Variants in RIMS1 observed in about 807,000 individuals in gnomAD.
RIMS1 encodes regulating synaptic membrane exocytosis protein 1.
A neutral mutation model predicts 214.1 loss-of-function variants in RIMS1; 83 were observed. The ratio of observed to expected loss-of-function variants is 0.39; its 90% CI spans 0.32 to 0.47. The LOEUF is 0.47. Ranked by LOEUF, RIMS1 falls within the 20% of genes least tolerant of loss-of-function variation. The probability of loss-of-function intolerance (pLI) is 0.99; values close to 1 mark genes in which losing one functional copy is unlikely to be tolerated. For synonymous variants in RIMS1, 793 were observed against 786.8 expected, an observed-to-expected ratio of 1.01 and a Z score of -0.13; for missense variants, 2,050 against 2,161.8, an observed-to-expected ratio of 0.95 and a Z score of 1.03.
At chr6:72,224,305 A>G (rs1218471094) in intron 6 of RIMS1, among the ~76,000 whole-genome samples, 1 of 152,176 alleles carries the variant, frequency 6.6e-6, no homozygotes, top group Non-Finnish European at 1.5e-5. Context: ...TTCTGTATAT[A>G]TTGTTGCTTT....
intron 29 of RIMS1, among the ~76,000 whole-genome samples, chr6:72,389,066 G>A (rs1468374467): frequency 6.6e-6 from 1 of 152,152 alleles, no homozygotes; most frequent in East Asian, 1.9e-4. Context: ...GTAGAAGAAA[G>A]CAAAAGGTCT....
intron 1 of RIMS1, among the ~76,000 whole-genome samples, chr6:71,960,529 G>A (rs1554158786): frequency 6.6e-5 from 10 of 152,088 alleles, no homozygotes; most frequent in Non-Finnish European, 1.5e-4. Context: ...CCATGATGAT[G>A]TTTCACACAG....
chr6:71,942,064 A>G (rs1181232683), intron 1 of RIMS1, among the ~76,000 whole-genome samples: 1 of 152,166 alleles, frequency 6.6e-6, no homozygotes, highest in Non-Finnish European at 1.5e-5. Flanking sequence ...ATGCTTTAGA[A>G]TGTTGAGGAG....
intron 4 of RIMS1, among the ~76,000 whole-genome samples, chr6:72,113,109 G>A (rs927971026): frequency 2.6e-5 from 4 of 152,118 alleles, no homozygotes; most frequent in Admixed American, 2.6e-4. Context: ...CAGCCACAGG[G>A]CAGTGTGCAG....
At chr6:72,300,865 G>A (rs984471327) in intron 26 of RIMS1, among the ~76,000 whole-genome samples, 4 of 151,704 alleles carry the variant, frequency 2.6e-5, no homozygotes, top group Non-Finnish European at 4.4e-5. Flanking sequence ...GGGAATAGGT[G>A]TGCTAAAACA....
intron 1 of RIMS1, among the ~76,000 whole-genome samples, chr6:71,931,703 TTACTC>T (rs1157406809): frequency 6.6e-6 from 1 of 152,140 alleles, no homozygotes; most frequent in Non-Finnish European, 1.5e-5. Flanking sequence ...GTTTGTCTGT[TTACTC>T]TATTGATAGT....
At chr6:72,246,628 A>C (rs1240832586) in intron 11 of RIMS1, among the ~76,000 whole-genome samples, 3 of 152,178 alleles carry the variant, frequency 2.0e-5, no homozygotes, top group Non-Finnish European at 4.4e-5. Flanking sequence ...AGAAAATATG[A>C]AAGTAGGATA....
Position 72,159,364 on chromosome 6 carries a change from A to G in RIMS1, c.472-20211A>G, listed in dbSNP as rs1244091080. Among the ~76,000 whole-genome samples the G allele has an allele frequency of 2.1e-5, 3 of 140,140 alleles. 1 individual carries two copies. The highest frequency in any genetic ancestry group is 4.9e-5 in the Non-Finnish European group (3 of 61,752). The allele number at this position is 140,140 out of a possible 152,430, so 91.9% of individuals were successfully genotyped here. A position where few individuals can be genotyped will look rare whatever the true frequency, so the allele number is the denominator to read the frequency against. On this transcript the variant is annotated intron_variant, in intron 4 of 33. Transcript: ENST00000521978. ...TAGGTTGCCTGTTCACTCTGACGGT[A>G]GTTTCTTTTGCTGTGCAGAAGCTCT...
rs1237749210 is a variant in RIMS1, at chr6:72,182,540, A to C, written c.1069A>C (p.Ser357Arg). ...KEEDYQTRYR[S>R]DPNLARYPVK... ...GGAGGATTATCAGACCAGGTACCGC[A>C]GCGACCCGAACCTAGCTCGGTACCC... The change falls in exon 6 of 34, where the codon AGC (serine) becomes CGC (arginine). Residue 357 changes from serine (S) to arginine (R), a missense_variant. Coordinates refer to ENST00000521978, the MANE Select transcript of RIMS1 (RefSeq NM_014989.7). 4 of 1,559,334 alleles carry C rather than the reference A, an allele frequency of 2.6e-6. No homozygotes were observed.
intron 10 of RIMS1, among the ~76,000 whole-genome samples, chr6:72,243,276 T>C (rs1043794886): frequency 6.6e-6 from 1 of 151,692 alleles, no homozygotes; most frequent in Non-Finnish European, 1.5e-5. Flanking sequence ...ATCGGCCTCA[T>C]GAATATATGT....
chr6:72,070,625 C>T (rs923748983), intron 2 of RIMS1, among the ~76,000 whole-genome samples: 3 of 152,122 alleles, frequency 2.0e-5, no homozygotes, highest in Non-Finnish European at 2.9e-5. Flanking sequence ...ACGTAAGAGA[C>T]GTCCAGGGAG....
chr6:72,129,216 T>A (rs2040067886), intron 4 of RIMS1, among the ~76,000 whole-genome samples: 1 of 152,214 alleles, frequency 6.6e-6, no homozygotes, highest in Non-Finnish European at 1.5e-5. Context: ...TTTATATTGA[T>A]CTATCCTTAT....
At chr6:72,091,910 G>T (rs1251213834) in intron 2 of RIMS1, among the ~76,000 whole-genome samples, 1 of 152,038 alleles carries the variant, frequency 6.6e-6, no homozygotes, top group Admixed American at 6.6e-5. Flanking sequence ...TCACAAAAAG[G>T]TTTTACATTT....
chr6:71,948,862 T>C (rs1053753869), intron 1 of RIMS1, among the ~76,000 whole-genome samples: 2 of 152,174 alleles, frequency 1.3e-5, no homozygotes, highest in Admixed American at 6.6e-5. Context: ...GATTCTGTAA[T>C]GCTGACCTTT....
At chr6:72,054,739 G>A (rs1489355913) in intron 2 of RIMS1, among the ~76,000 whole-genome samples, 1 of 151,998 alleles carries the variant, frequency 6.6e-6, no homozygotes, top group East Asian at 1.9e-4. Context: ...AGAAGTGTCT[G>A]TTCATATCCT....
chr6:72,288,343 T>G (rs1439779996), intron 24 of RIMS1, among the ~76,000 whole-genome samples: 1 of 152,236 alleles, frequency 6.6e-6, no homozygotes, highest in East Asian at 1.9e-4. Flanking sequence ...TAGATACATA[T>G]ATGCATGAAT....
intron 28 of RIMS1, among the ~76,000 whole-genome samples, chr6:72,321,033 C>T (rs1246611528): frequency 2.0e-5 from 3 of 151,914 alleles, no homozygotes; most frequent in African/African-American, 4.8e-5. Flanking sequence ...TAACCAAGTG[C>T]GGATTGATTG....
intron 2 of RIMS1, among the ~76,000 whole-genome samples, chr6:72,025,023 C>T (rs1364868695): frequency 6.6e-6 from 1 of 150,920 alleles, no homozygotes; most frequent in Admixed American, 6.6e-5. Flanking sequence ...CCAGCCTCAG[C>T]CCCCAGAGTA....
chr6:71,924,854 T>TA (rs1236678412), intron 1 of RIMS1, among the ~76,000 whole-genome samples: 1 of 145,140 alleles, frequency 6.9e-6, no homozygotes, highest in Non-Finnish European at 1.5e-5. Flanking sequence ...AAAATATTGC[T>TA]AAAAAATCTC....
Sources: allele counts gnomAD v4.1 joint callset (sites outside exome capture counted in the v4.1 genomes callset), GRCh38; gene constraint gnomAD v4.1.1; transcripts MANE v1.5; gene names NCBI Gene and HGNC (gene_info 2026-07-23, HGNC 2026-07-21).